The following HUNK variants were observed in gnomAD, a reference collection of about 807,000 sequenced individuals.
The protein encoded by HUNK is hormonally up-regulated Neu-associated kinase.
A neutral mutation model predicts 61.0 loss-of-function variants in HUNK; 21 were observed. That is an observed-to-expected ratio of 0.34 (90% confidence interval 0.24 to 0.50). The LOEUF (loss-of-function observed/expected upper bound fraction) is 0.50. HUNK is among the 20% of genes least tolerant of loss of function. The pLI, the probability that HUNK is intolerant of heterozygous loss-of-function variation, is 0.98. For missense variants in HUNK, 772 were observed against 945.7 expected (o/e 0.82, Z 2.41); for synonymous variants, 371 against 386.1 (o/e 0.96, Z 0.46).
intron 9 of HUNK, among the ~76,000 whole-genome samples, 197 bp from the exon 10 acceptor site, chr21:31,995,571 G>T (rs62216106): frequency 6.6e-6 from 1 of 152,136 alleles, no homozygotes; most frequent in Non-Finnish European, 1.5e-5. Flanking sequence ...AAGGCCTCTC[G>T]CTGCCCAGGC....
At chr21:31,963,537 A>T (rs2052942597) in intron 5 of HUNK, among the ~76,000 whole-genome samples, 1 of 152,190 alleles carries the variant, frequency 6.6e-6, no homozygotes, top group Non-Finnish European at 1.5e-5. Context: ...TCACTGTGTC[A>T]TCCTGGCTGG....
chr21:31,996,824 T>C (rs1449913608), intron 10 of HUNK, among the ~76,000 whole-genome samples: 3 of 152,180 alleles, frequency 2.0e-5, no homozygotes, highest in African/African-American at 7.2e-5. Context: ...TGTCCTTCTA[T>C]CTCCCATGCT....
chr21:31,964,573 G>A (rs935652268), intron 5 of HUNK, among the ~76,000 whole-genome samples: 2 of 152,138 alleles, frequency 1.3e-5, no homozygotes, highest in African/African-American at 2.4e-5. Context: ...GGAGGGTGGC[G>A]TGTGGCCTGT....
chr21:31,995,814 G>A lies in HUNK; in HGVS notation c.1352G>A (p.Arg451Gln), dbSNP rs142391016. The change falls in exon 10 of 11, where the codon CGA becomes CAA. Residue 451 changes from arginine to glutamine, a missense_variant. Physicochemically the swap from Arg to Gln is conservative, Grantham distance 43 (BLOSUM62 1). This residue lies in a region of HUNK where 413 missense variants were observed against 444.4 expected (regional missense o/e 0.93). Coordinates refer to ENST00000270112, the MANE Select transcript of HUNK (RefSeq NM_014586.2). ...EQEKRGDFLH[R>Q]PFSKKLDKNL... Reference sequence around the variant, plus strand: ...GAAAAAAGAGGGGATTTTCTTCATCGACCATTCTCCAAGAAGTTGGACAAG... The same window carrying A: ...GAAAAAAGAGGGGATTTTCTTCATCAACCATTCTCCAAGAAGTTGGACAAG... 1.7e-5 allele frequency: 27 copies of A among 1,613,976 alleles called. No homozygotes were observed. Among genetic ancestry groups the A allele is most frequent in the South Asian group, 4.4e-5 (4 of 91,070 alleles).
In HUNK at chr21:31,979,515, C is replaced by CT. The variant is rs71193166; in HGVS notation, c.1174-3983dup. Among the ~76,000 whole-genome samples, 309 of 34,352 alleles carry CT rather than the reference C, an allele frequency of 9.0e-3. 46 individuals are homozygous for CT. Among genetic ancestry groups the CT allele is most frequent in the Non-Finnish European group, 0.013 (220 of 17,592 alleles). The allele number at this position is 34,352 out of a possible 152,430, so 22.5% of individuals were successfully genotyped here. On this transcript the variant is annotated intron_variant, in intron 7 of 10. Transcript: ENST00000270112. ...TTCTGGCTATTGAGTTGTTTGCATTCTTTTTTTTTTTTTTTTTTTTTTTTT... is the reference window on the plus strand; with the variant it reads ...TTCTGGCTATTGAGTTGTTTGCATTCTTTTTTTTTTTTTTTTTTTTTTTTTT...
intron 1 of HUNK, among the ~76,000 whole-genome samples, chr21:31,887,869 T>C (rs1474779912): frequency 2.0e-5 from 3 of 152,174 alleles, no homozygotes; most frequent in Admixed American, 6.6e-5. Context: ...CAGGTTATGA[T>C]TGCATAACCT....
intron 1 of HUNK, among the ~76,000 whole-genome samples, chr21:31,908,360 C>T (rs918428529): frequency 1.3e-5 from 2 of 151,426 alleles, no homozygotes; most frequent in African/African-American, 4.9e-5. Context: ...GGCCTCAGCG[C>T]GTGAAAGTGC....
chr21:31,942,887 C>T (rs2052778522), intron 3 of HUNK, among the ~76,000 whole-genome samples: 1 of 151,984 alleles, frequency 6.6e-6, no homozygotes, highest in African/African-American at 2.4e-5. Context: ...GACCTTAGAC[C>T]ACACCTGAGG....
intron 4 of HUNK, among the ~76,000 whole-genome samples, chr21:31,956,353 A>T (rs1223438774): frequency 6.6e-6 from 1 of 152,166 alleles, no homozygotes; most frequent in Non-Finnish European, 1.5e-5. Flanking sequence ...CCCAGCAACA[A>T]CTTTGTGGGA....
In HUNK at chr21:31,995,769, A is replaced by T. The variant is rs1431275143; in HGVS notation, c.1307A>T (p.Asp436Val). The T allele has an allele frequency of 6.2e-7, 1 of 1,613,290 alleles. No homozygotes were observed. Among genetic ancestry groups the T allele is most frequent in the East Asian group, 2.2e-5 (1 of 44,882 alleles). The change falls in exon 10 of 11, where the codon GAT (aspartate) becomes GTT (valine). Residue 436 changes from aspartate (D) to valine (V), a missense_variant and splice_region_variant. Around this residue, in one of 2 missense-constraint regions of HUNK, gnomAD observed 413 missense variants for 444.4 expected, o/e 0.93. Transcript: ENST00000270112. ...CATATGTTTGCTTCTGATTTGTAGG[A>T]TAAAAAGCCCAAAGAACAAGAAAAA... ...TRDLEFHAVQ[D>V]KKPKEQEKRG...
At chr21:31,972,169 C>T (rs140630812) in intron 6 of HUNK, among the ~76,000 whole-genome samples, 26 of 152,246 alleles carry the variant, frequency 1.7e-4, no homozygotes, top group African/African-American at 6.3e-4. Context: ...CCTGGACAGT[C>T]TCTCCACCCC....
Position 31,991,602 on chromosome 21 carries a change from C to G in HUNK, c.1305+1426C>G, listed in dbSNP as rs555355424. 2.6e-5 allele frequency among the ~76,000 whole-genome samples: 4 copies of G among 152,288 alleles called. No individual in the cohort carries two copies. The South Asian group carries it at 6.2e-4, about 24-fold the overall frequency. On this transcript the variant is annotated intron_variant, in intron 9 of 10. Transcript: ENST00000270112. ...TCTTATGTGATGGGTGACAAGGAAC[C>G]AAAACCAACCAGCCAACGACATCTG... is the stretch of plus-strand genomic sequence containing the variant.
chr21:31,989,454 C>T (rs1420451060), intron 8 of HUNK, among the ~76,000 whole-genome samples: 7 of 152,166 alleles, frequency 4.6e-5, no homozygotes, highest in African/African-American at 1.7e-4. Context: ...GTGCTCATGC[C>T]TGTAATCCCA....
chr21:31,924,740 C>T lies in HUNK; in HGVS notation c.534C>T (p.His178=), dbSNP rs772725461. Residue 178 remains histidine, a synonymous_variant, in exon 2 of 11, where the codon CAC becomes CAT. Coordinates refer to ENST00000270112, the MANE Select transcript of HUNK (RefSeq NM_014586.2). The surrounding 1 kb of genome is among the most constrained non-coding windows in gnomAD (Gnocchi z 5.1). The part of the protein sequence containing the change: ...RQLISAVEHL[H]RAGVVHRDLK... ...TCATCTCTGCCGTAGAGCACCTGCA[C>T]CGGGCCGGGGTGGTCCACAGGTAAG... The T allele has an allele frequency of 1.2e-6, 2 of 1,610,660 alleles. No homozygotes were observed. Among genetic ancestry groups the T allele is most frequent in the South Asian group, 2.2e-5 (2 of 90,746 alleles).
chr21:31,965,327 CA>C (rs201622659), intron 5 of HUNK, among the ~76,000 whole-genome samples: 15,281 of 113,524 alleles, frequency 0.13, 803 homozygotes, highest in Middle Eastern at 0.27. Flanking sequence ...GAGAGAGGAG[CA>C]AAAAAAAAAA....
chr21:31,953,267 A>T (rs940254380), intron 4 of HUNK, among the ~76,000 whole-genome samples: 5 of 124,258 alleles, frequency 4.0e-5, no homozygotes, highest in Non-Finnish European at 6.7e-5. Context: ...TTTGGGATGG[A>T]GTTTCGCTCT....
chr21:31,916,043 CTTTTTTTTTTT>C (rs34245381), intron 1 of HUNK, among the ~76,000 whole-genome samples: 28 of 81,762 alleles, frequency 3.4e-4, no homozygotes, highest in Non-Finnish European at 5.4e-4. Context: ...TAAGTGCTTT[CTTTTTTTTTTT>C]TTTTTTTTTT....
rs367970285 is a variant in HUNK, at chr21:31,902,462, A to G, written c.262-22006A>G. 6.7e-4 allele frequency among the ~76,000 whole-genome samples: 102 copies of G among 152,218 alleles called. 1 individual carries two copies. The East Asian group carries it at 0.016, about 23-fold the overall frequency. On this transcript the variant is annotated intron_variant, in intron 1 of 10. Transcript: ENST00000270112. The stretch of plus-strand genomic sequence containing the variant: ...GAGACGGAGGTTGCGGTGAGCCAAG[A>G]TCGTGCCATTGCACTCCAGCCTGGG...
chr21:31,878,347 G>A, intron 1 of HUNK, among the ~76,000 whole-genome samples: 1 of 151,010 alleles, frequency 6.6e-6, no homozygotes, highest in African/African-American at 2.4e-5. Context: ...CACGTATAAT[G>A]TTTCTAATAC....
Sources: allele counts gnomAD v4.1 joint callset (sites outside exome capture counted in the v4.1 genomes callset), GRCh38; gene constraint gnomAD v4.1.1; regional missense constraint gnomAD v4.1.1; non-coding constraint Gnocchi (gnomAD v3.1); transcripts MANE v1.5; gene names NCBI Gene and HGNC (gene_info 2026-07-23, HGNC 2026-07-21).